KHDRBS3: variants seen among roughly 807,000 people sequenced by gnomAD.
KHDRBS3 encodes the protein KH RNA binding domain containing, signal transduction associated 3, also known as KH domain-containing, RNA-binding, signal transduction-associated protein 3.
Under a neutral mutation model 45.6 loss-of-function variants are expected in KHDRBS3, and 23 were observed. That is an observed-to-expected ratio of 0.50 (90% CI 0.36 to 0.72). KHDRBS3 has a LOEUF of 0.72. Ranked by LOEUF, KHDRBS3 falls within the 30% of genes least tolerant of loss-of-function variation. The pLI is 0.00. For synonymous variants in KHDRBS3, 162 were observed against 156.5 expected, an observed-to-expected ratio of 1.04 and a Z score of -0.26; for missense variants, 352 against 424.8, an observed-to-expected ratio of 0.83 and a Z score of 1.51.
intron 2 of KHDRBS3, among the ~76,000 whole-genome samples, chr8:135,525,976 G>T (rs1421505372): frequency 6.6e-6 from 1 of 152,120 alleles, no homozygotes; most frequent in Non-Finnish European, 1.5e-5. Flanking sequence ...TTATAATACT[G>T]TATTTTTGCT....
chr8:135,589,892 T>C (rs1011524113), intron 6 of KHDRBS3, among the ~76,000 whole-genome samples: 20 of 152,330 alleles, frequency 1.3e-4, no homozygotes, highest in African/African-American at 4.6e-4. Flanking sequence ...TGCAATAAAA[T>C]TGAGTATCTT....
chr8:135,500,782 C>T (rs933111587), intron 1 of KHDRBS3, among the ~76,000 whole-genome samples: 1 of 152,046 alleles, frequency 6.6e-6, no homozygotes, highest in Non-Finnish European at 1.5e-5. Flanking sequence ...CATTTAGCCA[C>T]GAGTAAGACA....
chr8:135,629,560 CAG>C (rs1410283726), intron 7 of KHDRBS3, among the ~76,000 whole-genome samples: 8 of 152,224 alleles, frequency 5.3e-5, no homozygotes, highest in Admixed American at 5.2e-4. Flanking sequence ...ATTCAAAACT[CAG>C]AGAGCCTTTA....
chr8:135,547,771 C>A (rs1826383625), intron 3 of KHDRBS3, among the ~76,000 whole-genome samples: 1 of 152,092 alleles, frequency 6.6e-6, no homozygotes, highest in Non-Finnish European at 1.5e-5. Context: ...GATTTCTTAT[C>A]TTTTGGAAAT....
intron 1 of KHDRBS3, among the ~76,000 whole-genome samples, chr8:135,460,369 A>G (rs1821369535): frequency 6.6e-6 from 1 of 152,190 alleles, no homozygotes; most frequent in Non-Finnish European, 1.5e-5. Flanking sequence ...TAAAGTTTCC[A>G]AGGCACTAGT....
At chr8:135,466,464 C>T (rs186030478) in intron 1 of KHDRBS3, among the ~76,000 whole-genome samples, 1 of 152,150 alleles carries the variant, frequency 6.6e-6, no homozygotes, top group Non-Finnish European at 1.5e-5. Context: ...AAATTGAAAG[C>T]TTTTGTCAAA....
chr8:135,517,221 A>G (rs1183092219), intron 1 of KHDRBS3, among the ~76,000 whole-genome samples: 1 of 152,224 alleles, frequency 6.6e-6, no homozygotes, highest in Non-Finnish European at 1.5e-5. Flanking sequence ...TTTCTGAGCT[A>G]GGAGATGGTA....
chr8:135,655,007 G>T (rs904048674), intron 4 of KHDRBS3, among the ~76,000 whole-genome samples: 7 of 152,224 alleles, frequency 4.6e-5, no homozygotes, highest in African/African-American at 1.7e-4. Flanking sequence ...CGGTTGATGG[G>T]ATGGTGCTGT....
intron 4 of KHDRBS3, among the ~76,000 whole-genome samples, chr8:135,654,297 G>A (rs1831486864): frequency 6.6e-6 from 1 of 152,190 alleles, no homozygotes; most frequent in South Asian, 2.1e-4. Flanking sequence ...GGCAATGCAA[G>A]AAGCCATGTT....
intron 1 of KHDRBS3, among the ~76,000 whole-genome samples, chr8:135,505,384 C>G (rs1015573228): frequency 1.3e-5 from 2 of 152,136 alleles, no homozygotes; most frequent in Non-Finnish European, 2.9e-5. Context: ...CTTGTGGTCC[C>G]TTGGGACCCT....
chr8:135,629,251 A>G (rs1830495529), intron 7 of KHDRBS3, among the ~76,000 whole-genome samples: 7 of 152,234 alleles, frequency 4.6e-5, no homozygotes, highest in Admixed American at 4.6e-4. Context: ...CTTAGTTACA[A>G]TAGGGTTAAG....
At chr8:135,512,788 G>A (rs543321937) in intron 1 of KHDRBS3, among the ~76,000 whole-genome samples, 1 of 152,302 alleles carries the variant, frequency 6.6e-6, no homozygotes, top group East Asian at 1.9e-4. Context: ...TTGTTGTTGG[G>A]CACAGGAAGT....
intron 4 of KHDRBS3, among the ~76,000 whole-genome samples, chr8:135,552,710 C>G (rs1301589347): frequency 1.3e-5 from 2 of 151,942 alleles, no homozygotes; most frequent in African/African-American, 4.8e-5. Context: ...AAATTTGCAG[C>G]CTGTCTTCCT....
At chr8:135,547,010 C>T (rs1826339137) in intron 3 of KHDRBS3, among the ~76,000 whole-genome samples, 1 of 152,052 alleles carries the variant, frequency 6.6e-6, no homozygotes, top group Admixed American at 6.6e-5. Context: ...TTTTGATACT[C>T]TATTAGAAAA....
At chr8:135,513,650 A>G (rs1332685682) in intron 1 of KHDRBS3, among the ~76,000 whole-genome samples, 1 of 152,164 alleles carries the variant, frequency 6.6e-6, no homozygotes, top group African/African-American at 2.4e-5. Context: ...GCAGTGTTCA[A>G]AAGGTGTCTT....
At chr8:135,534,367 G>T (rs948116177) in intron 2 of KHDRBS3, among the ~76,000 whole-genome samples, 1 of 151,928 alleles carries the variant, frequency 6.6e-6, no homozygotes, top group Non-Finnish European at 1.5e-5. Flanking sequence ...AACATCTTGG[G>T]TAGTGATTAA....
intron 1 of KHDRBS3, among the ~76,000 whole-genome samples, chr8:135,459,440 A>G (rs1373065921): frequency 6.6e-6 from 1 of 152,238 alleles, no homozygotes; most frequent in Non-Finnish European, 1.5e-5. Flanking sequence ...AATAAAAGAA[A>G]AAAAATTAAG....
At chr8:135,556,913 A>T (rs549006944) in intron 4 of KHDRBS3, among the ~76,000 whole-genome samples, 23 of 152,342 alleles carry the variant, frequency 1.5e-4, no homozygotes, top group Non-Finnish European at 3.2e-4. Context: ...AAAATGTTGA[A>T]TTTCACAACT....
chr8:135,591,664 C>T (rs1435366586), intron 6 of KHDRBS3, among the ~76,000 whole-genome samples: 3 of 152,132 alleles, frequency 2.0e-5, no homozygotes, highest in Non-Finnish European at 4.4e-5. Flanking sequence ...CTAGGAACAT[C>T]AATGAAGGCC....
Sources: gnomAD v4.1 joint callset for allele counts (sites outside exome capture counted in the v4.1 genomes callset) on GRCh38, gnomAD v4.1.1 for gene constraint, MANE v1.5 for transcripts, NCBI Gene and HGNC (gene_info 2026-07-23, HGNC 2026-07-21) for gene names.